Variants in PBX1 observed in about 807,000 individuals in gnomAD.
PBX1 encodes the protein pre-B-cell leukemia transcription factor 1.
In PBX1, 6 loss-of-function variants were observed where a neutral mutation model predicts 53.4. The ratio of observed to expected loss-of-function variants is 0.11; its 90% CI spans 0.06 to 0.22. The LOEUF is 0.22. Among genes scored for constraint, PBX1 ranks in the 10% least tolerant of loss-of-function variants. PBX1 has a pLI of 1.00. For missense variants in PBX1, 251 were observed against 551.4 expected, an observed-to-expected ratio of 0.46 and a Z score of 5.46; for synonymous variants, 204 against 212.3, an observed-to-expected ratio of 0.96 and a Z score of 0.34.
At chr1:164,741,739 A>AGTGTGTGTGTGTGTGTGTGTGTGTGT (rs57771496) in intron 2 of PBX1, among the ~76,000 whole-genome samples, 1 of 140,812 alleles carries the variant, frequency 7.1e-6, no homozygotes, top group Non-Finnish European at 1.5e-5. Context: ...TGTATGAGTG[A>AGTGTGTGTGTGTGTGTGTGTGTGTGT]GTGTGTGTGT....
intron 2 of PBX1, among the ~76,000 whole-genome samples, chr1:164,858,282 A>G (rs537632018): frequency 3.5e-4 from 53 of 152,310 alleles, no homozygotes; most frequent in African/African-American, 1.3e-3. Context: ...AAAGAGTCCA[A>G]GTATGTGCCT....
chr1:164,876,661 G>A (rs1244994077), intron 2 of PBX1, among the ~76,000 whole-genome samples: 1 of 152,072 alleles, frequency 6.6e-6, no homozygotes, highest in Admixed American at 6.5e-5. Context: ...GGTAATAGAA[G>A]AGTGGAATAA....
At chr1:164,830,378 T>C in intron 8 of PBX1, among the ~76,000 whole-genome samples, 1 of 152,182 alleles carries the variant, frequency 6.6e-6, no homozygotes, top group Non-Finnish European at 1.5e-5. Flanking sequence ...AGTAGACTTC[T>C]TAACACAAAA....
intron 5 of PBX1, 73 bp from the exon 6 acceptor site, chr1:164,811,917 G>C: frequency 7.5e-7 from 1 of 1,339,598 alleles, no homozygotes; most frequent in Non-Finnish European, 1.0e-6. Context: ...CTCCCATAAA[G>C]CCTTTTTTTT....
chr1:164,663,228 G>GCCTTCCTT (rs930150678), intron 2 of PBX1, among the ~76,000 whole-genome samples: 11 of 119,140 alleles, frequency 9.2e-5, no homozygotes, highest in African/African-American at 3.3e-4. Flanking sequence ...CTGCCTTCCT[G>GCCTTCCTT]CCTTCCTTCC....
At chr1:164,767,957 A>G (rs772923157) in intron 2 of PBX1, among the ~76,000 whole-genome samples, 19 of 152,136 alleles carry the variant, frequency 1.2e-4, no homozygotes, top group Non-Finnish European at 2.8e-4. Context: ...GTTTAACTCT[A>G]CATCTTCTGA....
chr1:164,789,292 T>C (rs1399997716), intron 2 of PBX1, among the ~76,000 whole-genome samples: 1 of 152,220 alleles, frequency 6.6e-6, no homozygotes, highest in Non-Finnish European at 1.5e-5. Flanking sequence ...ATTGACTATT[T>C]TAAAAAGATG....
rs921322044 is a variant in PBX1, at chr1:164,725,105, C to T, written c.266-67389C>T. On this transcript the variant is annotated intron_variant, in intron 2 of 8. Transcript: ENST00000420696. Reference sequence around the variant, plus strand: ...TCCTAAGCAGGCAGCTTGAACCCCCCACCCCCTTCCTGCATCCAGTAGACT... The same window carrying T: ...TCCTAAGCAGGCAGCTTGAACCCCCTACCCCCTTCCTGCATCCAGTAGACT... Among the ~76,000 whole-genome samples the T allele has an allele frequency of 5.3e-5, 8 of 152,218 alleles. No homozygotes were observed. In the South Asian group the frequency reaches 8.3e-4, roughly 16 times the overall value.
At chr1:164,805,563 A>G (rs1352938640) in intron 4 of PBX1, among the ~76,000 whole-genome samples, 6 of 152,212 alleles carry the variant, frequency 3.9e-5, no homozygotes, top group Non-Finnish European at 8.8e-5. Flanking sequence ...ATACACAGTA[A>G]TGCTAATGCA....
At chr1:164,648,563 G>A (rs1257765384) in intron 2 of PBX1, among the ~76,000 whole-genome samples, 1 of 152,168 alleles carries the variant, frequency 6.6e-6, no homozygotes. Context: ...GGCCCAGAGA[G>A]GCTACATAAT....
chr1:164,708,948 C>T (rs961026591), intron 2 of PBX1, among the ~76,000 whole-genome samples: 12 of 152,148 alleles, frequency 7.9e-5, no homozygotes, highest in Non-Finnish European at 1.8e-4. Flanking sequence ...ATGCCAGGTA[C>T]CATGGTAGGT....
At chr1:164,571,907 A>G (rs1321488643) in intron 2 of PBX1, among the ~76,000 whole-genome samples, 5 of 108,220 alleles carry the variant, frequency 4.6e-5, no homozygotes, top group African/African-American at 6.8e-5. Flanking sequence ...ATATATATAT[A>G]TATATATATG....
chr1:164,661,107 G>A (rs1305451871), intron 2 of PBX1, among the ~76,000 whole-genome samples: 2 of 152,220 alleles, frequency 1.3e-5, no homozygotes, highest in African/African-American at 4.8e-5. Flanking sequence ...GCTGAGAGGA[G>A]AAGACTTTTA....
At chr1:164,692,202 C>T (rs1468687173) in intron 2 of PBX1, among the ~76,000 whole-genome samples, 1 of 152,162 alleles carries the variant, frequency 6.6e-6, no homozygotes, top group Non-Finnish European at 1.5e-5. Context: ...ATAGGCAGCT[C>T]ATACGCAGGC....
intron 2 of PBX1, among the ~76,000 whole-genome samples, chr1:164,614,462 CT>C (rs1392585783): frequency 3.3e-5 from 5 of 152,124 alleles, no homozygotes; most frequent in African/African-American, 9.7e-5. Flanking sequence ...TTCGTTTCCT[CT>C]TTTGTTCTCT....
chr1:164,761,645 G>A (rs1023162792), intron 2 of PBX1, among the ~76,000 whole-genome samples: 10 of 152,064 alleles, frequency 6.6e-5, no homozygotes, highest in East Asian at 1.9e-4. Flanking sequence ...GGGTTTCACC[G>A]TGTTAGCCAG....
chr1:164,697,419 T>C (rs909895174), intron 2 of PBX1, among the ~76,000 whole-genome samples: 1 of 152,214 alleles, frequency 6.6e-6, no homozygotes, highest in African/African-American at 2.4e-5. Context: ...ATAACAAAAT[T>C]CCTGAAACTT....
At chr1:164,572,040 G>A (rs1653919385) in intron 2 of PBX1, among the ~76,000 whole-genome samples, 1 of 150,480 alleles carries the variant, frequency 6.6e-6, no homozygotes, top group African/African-American at 2.4e-5. Flanking sequence ...CTGAGTAGCT[G>A]GGATTACAGG....
Position 164,817,830 on chromosome 1 carries a change from A to G in PBX1, c.998-2242A>G, listed in dbSNP as rs1427285893. ...AGTTTGTATACTAATTTCCAGAAAA[A>G]CATTGGTCAAACTTATAGTCCTTAT... On this transcript the variant is annotated intron_variant, in intron 6 of 8. Coordinates refer to ENST00000420696, the MANE Select transcript of PBX1 (RefSeq NM_002585.4). The G allele has an allele frequency of 2.0e-5, 3 of 152,158 alleles. No homozygotes were observed. In the East Asian group the frequency reaches 5.8e-4, roughly 29 times the overall value. 9.4% of individuals were successfully genotyped at this position (152,158 alleles called of 1,614,324 possible).
Sources: gnomAD v4.1 joint callset for allele counts (sites outside exome capture counted in the v4.1 genomes callset) on GRCh38, gnomAD v4.1.1 for gene constraint, MANE v1.5 for transcripts, NCBI Gene and HGNC (gene_info 2026-07-23, HGNC 2026-07-21) for gene names.